PPP4R4: variants seen among roughly 807,000 people sequenced by gnomAD.
PPP4R4 encodes the protein protein phosphatase 4 regulatory subunit 4.
In PPP4R4, 70 loss-of-function variants were observed where a neutral mutation model predicts 121.8. That is an observed-to-expected ratio of 0.57 (90% CI 0.47 to 0.70). The LOEUF (loss-of-function observed/expected upper bound fraction) is 0.70. Ranked by LOEUF, PPP4R4 falls within the 30% of genes least tolerant of loss-of-function variation. The pLI, the probability that PPP4R4 is intolerant of heterozygous loss-of-function variation, is 0.00. For synonymous variants in PPP4R4, 348 were observed against 355.7 expected (o/e 0.98, Z 0.24); for missense variants, 875 against 1,033.6 (o/e 0.85, Z 2.10).
intron 3 of PPP4R4, chr14:94,227,202 A>T: frequency 9.1e-7 from 1 of 1,093,802 alleles, no homozygotes. Flanking sequence ...TGCCAGCCGT[A>T]CAATAGTAAT....
Position 94,266,383 on chromosome 14 carries a change from A to G in PPP4R4, c.2378+496A>G, listed in dbSNP as rs57872470. Reference sequence around the variant, plus strand: ...GGAGACAAAATTACAAGCAGTTAAGATTAGGATAGAATCAATATAAGTTAA... The same window carrying G: ...GGAGACAAAATTACAAGCAGTTAAGGTTAGGATAGAATCAATATAAGTTAA... On this transcript the variant is annotated intron_variant, in intron 22 of 24. Coordinates refer to ENST00000304338, the MANE Select transcript of PPP4R4 (RefSeq NM_058237.2). Among the ~76,000 whole-genome samples, 464 of 152,268 alleles carry G rather than the reference A, an allele frequency of 3.0e-3. 2 individuals carry two copies. Among genetic ancestry groups the G allele is most frequent in the African/African-American group, 0.011 (449 of 41,572 alleles).
intron 3 of PPP4R4, among the ~76,000 whole-genome samples, chr14:94,223,740 T>A (rs376032737): frequency 4.6e-5 from 7 of 152,234 alleles, no homozygotes; most frequent in African/African-American, 1.7e-4. Flanking sequence ...TGATTAGAGT[T>A]ACCTAGTCTG....
At chr14:94,174,662 G>T (rs1888563085) in intron 1 of PPP4R4, 80 bp downstream of exon 1, 2 of 1,529,116 alleles carry the variant, frequency 1.3e-6, no homozygotes, top group African/African-American at 2.8e-5. Flanking sequence ...TCTGCCCCAC[G>T]CCACCACCCT....
At chr14:94,241,715 T>C in intron 9 of PPP4R4, 73 bp from the exon 10 acceptor site, 1 of 1,164,738 alleles carries the variant, frequency 8.6e-7, no homozygotes, top group Non-Finnish European at 1.2e-6. Flanking sequence ...ATATTTTTAT[T>C]GTACTTTGAT....
Position 94,235,690 on chromosome 14 carries a change from C to T in PPP4R4, c.731+1021C>T, listed in dbSNP as rs199952467. On this transcript the variant is annotated intron_variant, in intron 7 of 24. Coordinates refer to ENST00000304338, the MANE Select transcript of PPP4R4 (RefSeq NM_058237.2). ...CTGGGATTACAGGTGTGAGCCACCG[C>T]GCCCAGCTGTTGCTCCCCTTGTTCT... is the stretch of plus-strand genomic sequence containing the variant. Among the ~76,000 whole-genome samples the T allele has an allele frequency of 1.8e-3, 280 of 152,124 alleles. 3 individuals carry two copies. In the South Asian group the frequency reaches 0.029, roughly 16 times the overall value.
intron 3 of PPP4R4, among the ~76,000 whole-genome samples, chr14:94,219,006 GA>G (rs1891231717): frequency 6.6e-6 from 1 of 150,844 alleles, no homozygotes; most frequent in African/African-American, 2.4e-5. Flanking sequence ...AACAGAAATT[GA>G]GAGAATTAAT....
chr14:94,191,977 G>C (rs984597196), intron 2 of PPP4R4, among the ~76,000 whole-genome samples: 1 of 152,012 alleles, frequency 6.6e-6, no homozygotes, highest in African/African-American at 2.4e-5. Context: ...ATGACTTTGG[G>C]TGAATCCCAT....
At chr14:94,235,388 C>CTTTTTTTTTTTTTTT (rs34881107) in intron 7 of PPP4R4, among the ~76,000 whole-genome samples, 3 of 50,806 alleles carry the variant, frequency 5.9e-5, no homozygotes, top group African/African-American at 2.8e-4. Context: ...TCTCCTTGTT[C>CTTTTTTTTTTTTTTT]TTTTTTTTTT....
chr14:94,218,019 A>G (rs1287288568), intron 3 of PPP4R4, among the ~76,000 whole-genome samples: 3 of 152,196 alleles, frequency 2.0e-5, no homozygotes, highest in African/African-American at 7.2e-5. Flanking sequence ...TGCTAGAAAT[A>G]AAAAAGATGA....
intron 17 of PPP4R4, 51 bp downstream of exon 17, chr14:94,256,655 G>T: frequency 6.9e-7 from 1 of 1,459,202 alleles, no homozygotes; most frequent in South Asian, 1.3e-5. Flanking sequence ...AAGGCAGTAA[G>T]AATCTTAGCT....
At position 94,244,639 on chromosome 14, in the gene PPP4R4, C is replaced by G; in HGVS notation, c.1271C>G (p.Ser424Cys). 1.3e-6 allele frequency: 2 copies of G among 1,497,062 alleles called. No homozygotes were observed. Among genetic ancestry groups the G allele is most frequent in the African/African-American group, 2.8e-5 (2 of 71,010 alleles). 92.7% of individuals were successfully genotyped at this position (1,497,062 alleles called of 1,614,324 possible). A position where few individuals can be genotyped will look rare whatever the true frequency, so the allele number is the denominator to read the frequency against. Residue 424 changes from serine (S) to cysteine (C), a missense_variant, in exon 12 of 25, where the codon TCT (serine) becomes TGT (cysteine). Ser to Cys is a moderately radical substitution (Grantham distance 112). Transcript: ENST00000304338. ...YTIAICFYEV[S>C]KLLNSGVYLI... is the part of the protein sequence containing the mutation. ...GACTTTATTGCTATATTTTAGGTATCTAAGCTTCTGAATTCTGGAGTATAT... is the reference window on the plus strand; with the variant it reads ...GACTTTATTGCTATATTTTAGGTATGTAAGCTTCTGAATTCTGGAGTATAT...
chr14:94,243,459 A>C (rs775356334), intron 11 of PPP4R4, among the ~76,000 whole-genome samples: 1 of 152,172 alleles, frequency 6.6e-6, no homozygotes, highest in Non-Finnish European at 1.5e-5. Context: ...TTGTTAGATC[A>C]GTGGTCTCCA....
intron 5 of PPP4R4, among the ~76,000 whole-genome samples, chr14:94,232,927 A>G (rs959899479): frequency 3.9e-5 from 6 of 152,100 alleles, no homozygotes; most frequent in Middle Eastern, 3.4e-3. Context: ...GCGTGGTGGC[A>G]GGCGCCTGTA....
At chr14:94,250,105 G>T (rs45483104) in intron 14 of PPP4R4, 67 bp from the exon 15 acceptor site, 93,546 of 1,035,268 alleles carry the variant, frequency 0.09, 5,167 homozygotes, top group South Asian at 0.16. Context: ...AAATTGATTT[G>T]GTGGGGTCAA....
At chr14:94,196,456 G>A (rs1022612662) in intron 2 of PPP4R4, among the ~76,000 whole-genome samples, 1 of 151,526 alleles carries the variant, frequency 6.6e-6, no homozygotes, top group Non-Finnish European at 1.5e-5. Context: ...TGGGATTACA[G>A]ATGTTTGCCA....
chr14:94,180,309 C>A (rs374390647), intron 2 of PPP4R4, among the ~76,000 whole-genome samples: 71 of 152,260 alleles, frequency 4.7e-4, no homozygotes, highest in Non-Finnish European at 6.3e-4. Context: ...ACTTCGTTTG[C>A]TAATAGTATT....
chr14:94,183,560 C>A (rs1331878161), intron 2 of PPP4R4, among the ~76,000 whole-genome samples: 1 of 152,190 alleles, frequency 6.6e-6, no homozygotes, highest in Non-Finnish European at 1.5e-5. Flanking sequence ...ATGAGAACAA[C>A]CATGGGAGGC....
chr14:94,244,623 G>A lies in PPP4R4; in HGVS notation c.1267-12G>A, dbSNP rs1400889329. Reference sequence around the variant, plus strand: ...ACTCTCAAATCTGAGAGACTTTATTGCTATATTTTAGGTATCTAAGCTTCT... The same window carrying A: ...ACTCTCAAATCTGAGAGACTTTATTACTATATTTTAGGTATCTAAGCTTCT... On this transcript the variant is annotated splice_polypyrimidine_tract_variant and intron_variant, in intron 11 of 24. Coordinates refer to ENST00000304338, the MANE Select transcript of PPP4R4 (RefSeq NM_058237.2). 1 of 1,475,506 alleles carries A rather than the reference G, an allele frequency of 6.8e-7. No homozygotes were observed. Among genetic ancestry groups the A allele is most frequent in the Non-Finnish European group, 9.2e-7 (1 of 1,090,896 alleles). 91.4% of individuals were successfully genotyped at this position (1,475,506 alleles called of 1,614,324 possible).
chr14:94,181,934 C>G (rs1217024675), intron 2 of PPP4R4, among the ~76,000 whole-genome samples: 1 of 152,166 alleles, frequency 6.6e-6, no homozygotes, highest in Non-Finnish European at 1.5e-5. Flanking sequence ...AATTACAACT[C>G]AATTAGTGAG....
Sources: allele counts gnomAD v4.1 joint callset (sites outside exome capture counted in the v4.1 genomes callset), GRCh38; gene constraint gnomAD v4.1.1; transcripts MANE v1.5; gene names NCBI Gene and HGNC (gene_info 2026-07-23, HGNC 2026-07-21).